The following TSNARE1 variants were observed in gnomAD, a reference collection of about 807,000 sequenced individuals.
The protein encoded by TSNARE1 is t-SNARE domain-containing protein 1.
TSNARE1 carries 49 observed loss-of-function variants against 62.0 expected under a neutral mutation model. The ratio of observed to expected loss-of-function variants is 0.79; its 90% CI spans 0.63 to 1.00. The LOEUF (loss-of-function observed/expected upper bound fraction) is 1.00. TSNARE1 is among the 50% of genes least tolerant of loss of function. The pLI is 0.00. For synonymous variants in TSNARE1, 328 were observed against 294.4 expected, an observed-to-expected ratio of 1.11 and a Z score of -1.17; for missense variants, 755 against 700.1, an observed-to-expected ratio of 1.08 and a Z score of -0.88.
intron 13 of TSNARE1, among the ~76,000 whole-genome samples, chr8:142,216,144 C>A (rs1463181508): frequency 1.3e-5 from 2 of 152,202 alleles, no homozygotes; most frequent in Admixed American, 1.3e-4. Flanking sequence ...CCCAGCTCCT[C>A]CAGACCCCTA....
At chr8:142,285,006 T>C (rs1021030630) in intron 10 of TSNARE1, among the ~76,000 whole-genome samples, 1 of 152,222 alleles carries the variant, frequency 6.6e-6, no homozygotes, top group Non-Finnish European at 1.5e-5. Flanking sequence ...ACACAGGCAC[T>C]GCTCAGCAAA....
chr8:142,232,391 G>T (rs1037384711), intron 12 of TSNARE1, among the ~76,000 whole-genome samples: 12 of 152,210 alleles, frequency 7.9e-5, no homozygotes, highest in Non-Finnish European at 1.8e-4. Flanking sequence ...GCCAACCGAG[G>T]GCCTCCTTAC....
In TSNARE1 at chr8:142,222,333, C is replaced by T. The variant is rs547036719; in HGVS notation, c.*11+7140G>A. 2.2e-4 allele frequency among the ~76,000 whole-genome samples: 7 copies of T among 31,308 alleles called. 2 individuals are homozygous for T. Among genetic ancestry groups the T allele is most frequent in the African/African-American group, 4.9e-4 (6 of 12,332 alleles). 20.5% of individuals were successfully genotyped at this position (31,308 alleles called of 152,430 possible). ...TCACTCATCCACTAATTCACTCACT[C>T]GCTCACTCATCCACTCACTCACTCA... On this transcript the variant is annotated intron_variant, in intron 13 of 13. Transcript: ENST00000524325.
intron 13 of TSNARE1, among the ~76,000 whole-genome samples, chr8:142,225,239 A>T (rs1476484875): frequency 6.6e-6 from 1 of 151,392 alleles, no homozygotes; most frequent in Non-Finnish European, 1.5e-5. Context: ...TGCCCTTGGA[A>T]TACTCCACAC....
At chr8:142,251,235 C>G (rs1275315482) in intron 12 of TSNARE1, among the ~76,000 whole-genome samples, 1 of 151,992 alleles carries the variant, frequency 6.6e-6, no homozygotes, top group Non-Finnish European at 1.5e-5. Flanking sequence ...CCCCGGCCCC[C>G]CTGCACACCG....
At chr8:142,300,758 T>G in intron 9 of TSNARE1, 114 bp from the exon 10 acceptor site, 2 of 1,343,932 alleles carry the variant, frequency 1.5e-6, no homozygotes, top group Non-Finnish European at 2.0e-6. Context: ...ATCTGCTCTC[T>G]GAGGGGACGA....
intron 12 of TSNARE1, among the ~76,000 whole-genome samples, chr8:142,268,985 A>G (rs534462620): frequency 2.6e-5 from 4 of 152,388 alleles, no homozygotes; most frequent in African/African-American, 9.6e-5. Flanking sequence ...TTTAACTGAT[A>G]CACAAAATAA....
At chr8:142,308,233 C>G (rs1827005986) in intron 9 of TSNARE1, among the ~76,000 whole-genome samples, 1 of 152,310 alleles carries the variant, frequency 6.6e-6, no homozygotes, top group South Asian at 2.1e-4. Flanking sequence ...TGTCGACCTT[C>G]TCCTTTGCGG....
At chr8:142,229,641 A>G (rs1002953268) in intron 12 of TSNARE1, 62 bp from the exon 13 acceptor site, 1 of 1,521,146 alleles carries the variant, frequency 6.6e-7, no homozygotes, top group Non-Finnish European at 9.0e-7. Flanking sequence ...CCTCAGGGGC[A>G]TTTGGCTTGT....
intron 6 of TSNARE1, among the ~76,000 whole-genome samples, chr8:142,327,019 G>A (rs1469880178): frequency 2.6e-5 from 4 of 152,172 alleles, no homozygotes; most frequent in Non-Finnish European, 5.9e-5. Flanking sequence ...CTGCTGGCGG[G>A]GGTGTAAAAT....
intron 1 of TSNARE1, among the ~76,000 whole-genome samples, chr8:142,393,452 T>C (rs766442475): frequency 2.6e-5 from 4 of 152,272 alleles, no homozygotes; most frequent in Non-Finnish European, 4.4e-5. Flanking sequence ...GCTGTGCTAC[T>C]GTCCTCGTTC....
intron 1 of TSNARE1, among the ~76,000 whole-genome samples, chr8:142,402,463 G>A (rs1465642951): frequency 1.3e-5 from 2 of 152,264 alleles, no homozygotes; most frequent in Non-Finnish European, 2.9e-5. Flanking sequence ...AGAGCAGGAG[G>A]AGTGCGCCAT....
At chr8:142,280,994 G>A (rs772507138) in intron 11 of TSNARE1, among the ~76,000 whole-genome samples, 3 of 152,194 alleles carry the variant, frequency 2.0e-5, no homozygotes, top group South Asian at 2.1e-4. Flanking sequence ...TGCTTGAGCC[G>A]CAGTCACTCT....
At chr8:142,214,387 G>C (rs937453337) in intron 13 of TSNARE1, among the ~76,000 whole-genome samples, 1 of 151,052 alleles carries the variant, frequency 6.6e-6, no homozygotes, top group African/African-American at 2.4e-5. Context: ...TCCTCTCCCC[G>C]CCACCCCGGA....
At chr8:142,364,710 C>T (rs1358791466) in intron 1 of TSNARE1, among the ~76,000 whole-genome samples, 1 of 152,132 alleles carries the variant, frequency 6.6e-6, no homozygotes, top group Admixed American at 6.5e-5. Context: ...CTAAAAAGGA[C>T]ACAAGAACCA....
At chr8:142,289,177 T>A (rs1053723912) in intron 10 of TSNARE1, among the ~76,000 whole-genome samples, 23 of 152,208 alleles carry the variant, frequency 1.5e-4, no homozygotes, top group African/African-American at 5.1e-4. Context: ...TAAGTGAACA[T>A]CATTCACCTC....
intron 7 of TSNARE1, among the ~76,000 whole-genome samples, chr8:142,315,773 G>A (rs1344951426): frequency 6.6e-6 from 1 of 152,232 alleles, no homozygotes; most frequent in African/African-American, 2.4e-5. Flanking sequence ...CATGGCTATC[G>A]GAGGATTGGA....
chr8:142,214,386 C>T (rs1164279886), intron 13 of TSNARE1, among the ~76,000 whole-genome samples: 1 of 152,206 alleles, frequency 6.6e-6, no homozygotes, highest in African/African-American at 2.4e-5. Flanking sequence ...CTCCTCTCCC[C>T]GCCACCCCGG....
chr8:142,361,886 G>A (rs934022120), intron 1 of TSNARE1, among the ~76,000 whole-genome samples: 5 of 152,174 alleles, frequency 3.3e-5, no homozygotes, highest in South Asian at 4.1e-4. Context: ...GCCCTCAGCC[G>A]CGCCCCACCA....
Sources: gnomAD v4.1 joint callset for allele counts (sites outside exome capture counted in the v4.1 genomes callset) on GRCh38, gnomAD v4.1.1 for gene constraint, MANE v1.5 for transcripts, NCBI Gene and HGNC (gene_info 2026-07-23, HGNC 2026-07-21) for gene names.